The following RCOR3 variants were observed in gnomAD, a reference collection of about 807,000 sequenced individuals.
RCOR3 encodes the protein REST corepressor 3.
A neutral mutation model predicts 64.1 loss-of-function variants in RCOR3; 13 were observed. The observed-to-expected ratio is 0.20, with a 90% CI of 0.13 to 0.32. RCOR3 has a LOEUF of 0.32. Ranked by LOEUF, RCOR3 falls within the 10% of genes least tolerant of loss-of-function variation. The probability of loss-of-function intolerance (pLI) is 1.00; values close to 1 mark genes in which losing one functional copy is unlikely to be tolerated. For synonymous variants in RCOR3, 215 were observed against 239.0 expected (o/e 0.90, Z 0.93); for missense variants, 489 against 701.2 (o/e 0.70, Z 3.42).
At chr1:211,295,887 G>A (rs1418563728) in intron 9 of RCOR3, 134 bp downstream of exon 9, 5 of 604,354 alleles carry the variant, frequency 8.3e-6, no homozygotes, top group Middle Eastern at 4.4e-4. Context: ...AATTTATTAT[G>A]TCTCTTTTTA....
chr1:211,295,619 C>T, intron 8 of RCOR3, 57 bp from the exon 9 acceptor site: 1 of 1,403,488 alleles, frequency 7.1e-7, no homozygotes, highest in Non-Finnish European at 1.0e-6. Context: ...TAATTGAGTA[C>T]TCACAAATTT....
In RCOR3 at chr1:211,314,405, A is replaced by G. The variant is rs1166420141; in HGVS notation, c.*637A>G. On this transcript the variant is annotated 3_prime_UTR_variant, in exon 12 of 12. Coordinates refer to ENST00000419091, the MANE Select transcript of RCOR3 (RefSeq NM_001136223.3). Reference sequence around the variant, plus strand: ...ATTTAATCAATTGCAAAGCAATTATATAAAACCACAAAGAATGTACTGAAC... The same window carrying G: ...ATTTAATCAATTGCAAAGCAATTATGTAAAACCACAAAGAATGTACTGAAC... 6.6e-6 allele frequency: 1 copy of G among 152,264 alleles called. No homozygotes were observed. The highest frequency in any genetic ancestry group is 1.5e-5 in the Non-Finnish European group (1 of 68,116). 9.4% of individuals were successfully genotyped at this position (152,264 alleles called of 1,614,324 possible). A position where few individuals can be genotyped will look rare whatever the true frequency, so the allele number is the denominator to read the frequency against.
intron 8 of RCOR3, among the ~76,000 whole-genome samples, chr1:211,289,747 G>A (rs1359061209): frequency 1.3e-5 from 2 of 152,166 alleles, no homozygotes; most frequent in African/African-American, 4.8e-5. Flanking sequence ...GGCACATTTT[G>A]AGTGCTCAGT....
intron 2 of RCOR3, among the ~76,000 whole-genome samples, chr1:211,261,804 C>T (rs1453091090): frequency 6.7e-6 from 1 of 149,884 alleles, no homozygotes; most frequent in African/African-American, 2.4e-5. Flanking sequence ...ACCTGTAAAC[C>T]CAGCTACTCG....
intron 2 of RCOR3, among the ~76,000 whole-genome samples, chr1:211,269,958 CAT>C (rs1368953646): frequency 4.0e-5 from 6 of 151,882 alleles, no homozygotes; most frequent in African/African-American, 1.5e-4. Flanking sequence ...CAAGACTTCA[CAT>C]GTTTAAAAAG....
intron 8 of RCOR3, among the ~76,000 whole-genome samples, chr1:211,289,628 C>T (rs929619835): frequency 6.6e-6 from 1 of 152,304 alleles, no homozygotes; most frequent in African/African-American, 2.4e-5. Flanking sequence ...AAATTAACCT[C>T]TGTAAGCTTC....
intron 9 of RCOR3, among the ~76,000 whole-genome samples, chr1:211,298,876 G>A (rs1279316583): frequency 1.3e-5 from 2 of 152,028 alleles, no homozygotes; most frequent in African/African-American, 4.8e-5. Flanking sequence ...GCGTGGTGGC[G>A]GGCACCTGTA....
At chr1:211,263,826 T>G (rs866650999) in intron 2 of RCOR3, among the ~76,000 whole-genome samples, 2,299 of 152,164 alleles carry the variant, frequency 0.015, 34 homozygotes, top group Non-Finnish European at 0.021. Flanking sequence ...TTTTGTTTTT[T>G]TTTTGTTTTT....
chr1:211,281,753 G>A (rs1231209885), intron 7 of RCOR3, among the ~76,000 whole-genome samples: 1 of 152,114 alleles, frequency 6.6e-6, no homozygotes. Flanking sequence ...TCTACAAGAT[G>A]TAGCTTCTCT....
chr1:211,304,026 C>A, intron 9 of RCOR3, 57 bp from the exon 10 acceptor site: 1 of 1,261,952 alleles, frequency 7.9e-7, no homozygotes, highest in Non-Finnish European at 1.1e-6. Flanking sequence ...AAAATAAGCG[C>A]TTTGGAAAAT....
At chr1:211,307,501 G>GGAATTTAAAAT (rs869221448) in intron 10 of RCOR3, among the ~76,000 whole-genome samples, 2 of 66,232 alleles carry the variant, frequency 3.0e-5, no homozygotes, top group Non-Finnish European at 7.2e-5. Context: ...GAATTTAAAA[G>GGAATTTAAAAT]AATTTAAAAA....
chr1:211,265,880 T>C (rs947735523), intron 2 of RCOR3, among the ~76,000 whole-genome samples: 4 of 152,212 alleles, frequency 2.6e-5, no homozygotes, highest in African/African-American at 9.6e-5. Context: ...CCTGACACCC[T>C]GTTTGAAACC....
chr1:211,259,428 G>C lies in RCOR3; in HGVS notation c.-133G>C, dbSNP rs1447014168. 1.2e-6 allele frequency: 1 copy of C among 867,490 alleles called. No homozygotes were observed. Among genetic ancestry groups the C allele is most frequent in the African/African-American group, 1.8e-5 (1 of 55,502 alleles). The allele number at this position is 867,490 out of a possible 1,614,324, so 53.7% of individuals were successfully genotyped here. On this transcript the variant is annotated 5_prime_UTR_variant, in exon 1 of 12. Coordinates refer to ENST00000419091, the MANE Select transcript of RCOR3 (RefSeq NM_001136223.3). ...CGGTTATGGCGGCTCCATATTAACA[G>C]CCTCCTCCTCCTCCGCCGCCGCCGC...
In RCOR3 at chr1:211,278,962, G is replaced by A. The variant is rs564979197; in HGVS notation, c.642-276G>A. Reference sequence around the variant, plus strand: ...CCAGCACTTTGGGAGGCTGAGGCGGGCAGATCACTTGAAGTCAGGTTTAAG... The same window carrying A: ...CCAGCACTTTGGGAGGCTGAGGCGGACAGATCACTTGAAGTCAGGTTTAAG... On this transcript the variant is annotated intron_variant, in intron 6 of 11. Transcript: ENST00000419091. Among the ~76,000 whole-genome samples, 9 of 152,334 alleles carry A rather than the reference G, an allele frequency of 5.9e-5. No homozygotes were observed. In the South Asian group the frequency reaches 1.9e-3, roughly 32 times the overall value.
At chr1:211,262,220 T>G (rs979977198) in intron 2 of RCOR3, among the ~76,000 whole-genome samples, 1 of 151,324 alleles carries the variant, frequency 6.6e-6, no homozygotes, top group Non-Finnish European at 1.5e-5. Context: ...GTATTTTTAG[T>G]AGAGATGGGG....
intron 8 of RCOR3, among the ~76,000 whole-genome samples, chr1:211,291,162 A>G (rs1317937028): frequency 6.6e-6 from 1 of 152,184 alleles, no homozygotes; most frequent in African/African-American, 2.4e-5. Context: ...CTTTTATTAC[A>G]GTATATTGTT....
intron 9 of RCOR3, among the ~76,000 whole-genome samples, chr1:211,300,059 T>TTTTC (rs1485875558): frequency 4.2e-5 from 6 of 142,810 alleles, no homozygotes; most frequent in African/African-American, 1.2e-4. Context: ...GCATTTTTCT[T>TTTTC]TTTCTTTCTT....
At chr1:211,280,742 G>T (rs1205756124) in intron 7 of RCOR3, among the ~76,000 whole-genome samples, 1 of 152,112 alleles carries the variant, frequency 6.6e-6, no homozygotes, top group African/African-American at 2.4e-5. Context: ...CTGGCACTTC[G>T]GGAGGCCAAG....
chr1:211,311,468 AT>A (rs1701481663), intron 10 of RCOR3, among the ~76,000 whole-genome samples: 1 of 152,176 alleles, frequency 6.6e-6, no homozygotes, highest in Non-Finnish European at 1.5e-5. Flanking sequence ...AGAAATGCTT[AT>A]TTCCAAATTC....
Sources: allele counts gnomAD v4.1 joint callset (sites outside exome capture counted in the v4.1 genomes callset), GRCh38; gene constraint gnomAD v4.1.1; transcripts MANE v1.5; gene names NCBI Gene and HGNC (gene_info 2026-07-23, HGNC 2026-07-21).